The following BNIP1 variants were observed in gnomAD, a reference collection of about 807,000 sequenced individuals.
BNIP1 encodes the protein vesicle transport protein SEC20.
In BNIP1, 25 loss-of-function variants were observed where a neutral mutation model predicts 28.5. That is an observed-to-expected ratio of 0.88 (90% CI 0.64 to 1.23). The LOEUF is 1.23. Among genes scored for constraint, BNIP1 ranks in the 50% most tolerant of loss-of-function variants. BNIP1 has a pLI of 0.00. For missense variants in BNIP1, 276 were observed against 277.0 expected (o/e 1.00, Z 0.02); for synonymous variants, 118 against 101.7 (o/e 1.16, Z -0.96).
intron 2 of BNIP1, among the ~76,000 whole-genome samples, chr5:173,150,311 C>G (rs975858338): frequency 2.6e-5 from 4 of 151,836 alleles, no homozygotes; most frequent in Non-Finnish European, 5.9e-5. Context: ...CCCCCAAAGC[C>G]CACCAGCAAC....
Position 173,163,801 on chromosome 5 carries a change from G to T in BNIP1, c.567G>T (p.Lys189Asn). Residue 189 changes from lysine (K) to asparagine (N), a missense_variant, in exon 6 of 6, where the codon AAG (lysine) becomes AAT (asparagine). Transcript: ENST00000351486. ...SMSGTIQLGR[K>N]LITKYNRREL... ...CGGGCACCATCCAGCTGGGCCGGAA[G>T]CTTATCACAAAATACAATCGCCGGG... 1 of 1,613,992 alleles carries T rather than the reference G, an allele frequency of 6.2e-7. No individual in the cohort carries two copies. The highest frequency in any genetic ancestry group is 1.3e-5 in the African/African-American group (1 of 75,048).
intron 1 of BNIP1, 41 bp downstream of exon 1, chr5:173,144,670 A>G: frequency 6.2e-7 from 1 of 1,601,844 alleles, no homozygotes; most frequent in Non-Finnish European, 8.5e-7. Context: ...AGCAGCCCTA[A>G]CCCAAGCTCT....
At chr5:173,149,207 C>A (rs1759947670) in intron 2 of BNIP1, among the ~76,000 whole-genome samples, 1 of 152,142 alleles carries the variant, frequency 6.6e-6, no homozygotes, top group South Asian at 2.1e-4. Context: ...TGTTTTCATG[C>A]AGCTGATAAA....
chr5:173,151,370 C>T lies in BNIP1; in HGVS notation c.178-2952C>T, dbSNP rs373987428. On this transcript the variant is annotated intron_variant, in intron 2 of 5. Transcript: ENST00000351486. ...CCAAATAGTTGGGACTACAGGCGTG[C>T]GCCACCACACCCAGCAAATTTTTGT... Among the ~76,000 whole-genome samples the T allele has an allele frequency of 1.3e-4, 20 of 151,672 alleles. No individual in the cohort carries two copies. In the South Asian group the frequency reaches 4.0e-3, roughly 30 times the overall value.
intron 5 of BNIP1, chr5:173,161,934 G>A (rs754105087): frequency 6.6e-6 from 1 of 152,232 alleles, no homozygotes; most frequent in Non-Finnish European, 1.5e-5. Context: ...CAGCAGGCAG[G>A]CGTGGAGAAA....
intron 5 of BNIP1, among the ~76,000 whole-genome samples, chr5:173,162,333 G>A (rs1471769484): frequency 6.6e-6 from 1 of 152,126 alleles, no homozygotes; most frequent in Non-Finnish European, 1.5e-5. Context: ...GAAACATCGT[G>A]TGGATTTTGG....
chr5:173,163,862 G>T lies in BNIP1; in HGVS notation c.628G>T (p.Ala210Ser). 6.2e-7 allele frequency: 1 copy of T among 1,613,886 alleles called. No individual in the cohort carries two copies. The highest frequency in any genetic ancestry group is 8.5e-7 in the Non-Finnish European group (1 of 1,179,920). ...CAAGCTTCTCATCTTCCTTGCGCTA[G>T]CCCTGTTTCTTGCTACGGTCCTCTA... ...TDKLLIFLAL[A>S]LFLATVLYIV... The change falls in exon 6 of 6, where the codon GCC (alanine) becomes TCC (serine). Residue 210 changes from alanine to serine, a missense_variant. Coordinates refer to ENST00000351486, the MANE Select transcript of BNIP1 (RefSeq NM_001205.3).
At chr5:173,156,954 T>C (rs1443186713) in intron 3 of BNIP1, among the ~76,000 whole-genome samples, 1 of 151,022 alleles carries the variant, frequency 6.6e-6, no homozygotes, top group Non-Finnish European at 1.5e-5. Context: ...CAGCCGACCC[T>C]GTCTCAAAAA....
chr5:173,150,280 T>C (rs1759978626), intron 2 of BNIP1, among the ~76,000 whole-genome samples: 1 of 150,112 alleles, frequency 6.7e-6, no homozygotes. Flanking sequence ...AAAAAAGACT[T>C]GTGCTTTTCA....
At chr5:173,144,715 C>T (rs1581064791) in intron 1 of BNIP1, 86 bp downstream of exon 1, 1 of 1,410,640 alleles carries the variant, frequency 7.1e-7, no homozygotes, top group Admixed American at 2.0e-5. Flanking sequence ...CACTCCCGAA[C>T]TTTCCCCACT....
chr5:173,155,196 G>T (rs1448637744), intron 3 of BNIP1, among the ~76,000 whole-genome samples: 1 of 152,196 alleles, frequency 6.6e-6, no homozygotes, highest in Non-Finnish European at 1.5e-5. Context: ...AATCGAGGTT[G>T]TAATTGCAGG....
chr5:173,154,470 G>C (rs1415621330), intron 3 of BNIP1, 57 bp downstream of exon 3: 5 of 1,410,100 alleles, frequency 3.5e-6, no homozygotes, highest in Admixed American at 3.9e-5. Context: ...TTGCCTGTGA[G>C]CCTTGCACGT....
At chr5:173,154,505 A>C in intron 3 of BNIP1, 92 bp downstream of exon 3, 1 of 992,858 alleles carries the variant, frequency 1.0e-6, no homozygotes, top group Non-Finnish European at 1.5e-6. Context: ...GATCTGCTTT[A>C]ATGCTGACTT....
intron 1 of BNIP1, chr5:173,145,031 C>A: frequency 5.9e-6 from 1 of 169,252 alleles, no homozygotes; most frequent in Admixed American, 6.2e-5. Context: ...AGGCAGCTAG[C>A]CCCGCCCCCT....
At chr5:173,151,756 T>C in intron 2 of BNIP1, 1 of 1,603,126 alleles carries the variant, frequency 6.2e-7, no homozygotes, top group Non-Finnish European at 8.5e-7. Flanking sequence ...TTTCCTTCAC[T>C]CATTAAAATG....
intron 2 of BNIP1, 73 bp downstream of exon 2, chr5:173,147,031 T>C: frequency 8.5e-7 from 1 of 1,179,832 alleles, no homozygotes; most frequent in Non-Finnish European, 1.3e-6. Flanking sequence ...GCCGTCTGGG[T>C]TCTTCAAACA....
intron 4 of BNIP1, among the ~76,000 whole-genome samples, chr5:173,159,477 T>TA (rs10546608): frequency 3.0e-4 from 43 of 145,642 alleles, no homozygotes; most frequent in East Asian, 8.3e-4. Flanking sequence ...AGTTGTTCAT[T>TA]AAAAAAAAAA....
Position 173,160,019 on chromosome 5 carries a change from T to C in BNIP1, c.458T>C (p.Val153Ala), listed in dbSNP as rs779321350. 10 of 1,613,874 alleles carry C rather than the reference T, an allele frequency of 6.2e-6. No individual in the cohort carries two copies. The African/African-American group carries it at 1.2e-4, about 19-fold the overall frequency. ...MGISRMMAQQ[V>A]QQSEEAMQSL... ...ATCAGCAGGATGATGGCCCAGCAGGTCCAGCAGAGCGAGGAGGCCATGCAG... is the reference window on the plus strand; with the variant it reads ...ATCAGCAGGATGATGGCCCAGCAGGCCCAGCAGAGCGAGGAGGCCATGCAG... The change falls in exon 5 of 6, where the codon GTC becomes GCC. Residue 153 changes from valine to alanine, a missense_variant. By Grantham distance (64) the Val-to-Ala change is moderately conservative (BLOSUM62 0). Coordinates refer to ENST00000351486, the MANE Select transcript of BNIP1 (RefSeq NM_001205.3).
intron 2 of BNIP1, among the ~76,000 whole-genome samples, chr5:173,153,749 T>C (rs889264900): frequency 1.2e-4 from 18 of 152,192 alleles, no homozygotes; most frequent in Non-Finnish European, 2.4e-4. Flanking sequence ...ACCATTTTCC[T>C]GTGTCTGTAA....
Sources: allele counts gnomAD v4.1 joint callset (sites outside exome capture counted in the v4.1 genomes callset), GRCh38; gene constraint gnomAD v4.1.1; transcripts MANE v1.5; gene names NCBI Gene and HGNC (gene_info 2026-07-23, HGNC 2026-07-21).